METTL22: variants seen among roughly 807,000 people sequenced by gnomAD.
METTL22 encodes the protein methyltransferase-like protein 22.
METTL22 carries 51 observed loss-of-function variants against 48.4 expected under a neutral mutation model. That is an observed-to-expected ratio of 1.05 (90% CI 0.84 to 1.33). METTL22 has a LOEUF of 1.33. METTL22 is among the 40% of genes most tolerant of loss of function. METTL22 has a pLI of 0.00. For missense variants in METTL22, 678 were observed against 526.9 expected (o/e 1.29, Z -2.81); for synonymous variants, 255 against 214.1 (o/e 1.19, Z -1.67).
At chr16:8,641,058 A>G (rs561374337) in intron 6 of METTL22, 73 bp from the exon 7 acceptor site, 11 of 1,383,774 alleles carry the variant, frequency 7.9e-6, no homozygotes, top group African/African-American at 2.8e-5. Context: ...CTTCATATAT[A>G]GTGTAAAAGT....
rs373682337 is a variant in METTL22, at chr16:8,640,093, C to T, written c.772+931C>T. Among the ~76,000 whole-genome samples the T allele has an allele frequency of 1.3e-3, 203 of 152,334 alleles. 7 individuals carry two copies. In the South Asian group the frequency reaches 0.036, roughly 27 times the overall value. On this transcript the variant is annotated intron_variant, in intron 6 of 10. Transcript: ENST00000381920. ...GCATGATTGCATTTTACCATCTGCT[C>T]GTGTGACTAGTTATTGGTGTTTTCC...
At chr16:8,625,026 GA>G (rs113843522) in intron 1 of METTL22, among the ~76,000 whole-genome samples, 22,688 of 151,700 alleles carry the variant, frequency 0.15, 2,133 homozygotes, top group African/African-American at 0.26. Flanking sequence ...GTTTCTGGGG[GA>G]AAAAAAACCT....
the METTL22 span, among the ~76,000 whole-genome samples, chr16:8,660,957 G>C: frequency 1.3e-5 from 2 of 151,440 alleles, no homozygotes; most frequent in South Asian, 2.1e-4. Flanking sequence ...AGAGCTACCA[G>C]GGATCCGGAC....
In METTL22 at chr16:8,638,168, G is replaced by A. The variant is rs115038721; in HGVS notation, c.701-923G>A. Among the ~76,000 whole-genome samples, 1,293 of 152,168 alleles carry A rather than the reference G, an allele frequency of 8.5e-3. 18 individuals are homozygous for A. The highest frequency in any genetic ancestry group is 0.03 in the African/African-American group (1,238 of 41,522). ...TTTCCAAAAAACTGCTAAGCCCATC[G>A]TGTGCTGTCAGGTACATATCATCAG... On this transcript the variant is annotated intron_variant, in intron 5 of 10. Coordinates refer to ENST00000381920, the MANE Select transcript of METTL22 (RefSeq NM_024109.4).
the METTL22 span, among the ~76,000 whole-genome samples, chr16:8,662,705 C>T: frequency 6.9e-6 from 1 of 143,902 alleles, no homozygotes; most frequent in African/African-American, 2.6e-5. Flanking sequence ...CCCCTTTCCA[C>T]TGGAGGTTCC....
intron 10 of METTL22, 78 bp from the exon 11 acceptor site, chr16:8,646,030 G>C: frequency 7.2e-7 from 1 of 1,397,578 alleles, no homozygotes. Flanking sequence ...TCTCCTTGGT[G>C]AATCACTTTC....
Position 8,642,554 on chromosome 16 carries a change from G to C in METTL22, c.999G>C (p.Ser333=). 6.2e-7 allele frequency: 1 copy of C among 1,614,060 alleles called. No homozygotes were observed. Among genetic ancestry groups the C allele is most frequent in the East Asian group, 2.2e-5 (1 of 44,894 alleles). ...RLKNACTAIL[S]VEKRLNFTLR... is the part of the protein sequence containing the mutation. ...AAAATGCCTGCACAGCCATACTGTC[G>C]GTGGAGAAGAGGTGAGCTTTGCGCC... The change falls in exon 9 of 11, where the codon TCG becomes TCC. Residue 333 remains serine, a synonymous_variant. Transcript: ENST00000381920.
intron 10 of METTL22, among the ~76,000 whole-genome samples, chr16:8,645,250 C>T (rs558978397): frequency 6.6e-6 from 1 of 152,246 alleles, no homozygotes; most frequent in Admixed American, 6.5e-5. Flanking sequence ...TCTGTGGAGA[C>T]CCGGGCCTAG....
the METTL22 span, among the ~76,000 whole-genome samples, chr16:8,660,973 C>T: frequency 9.9e-5 from 15 of 152,028 alleles, 1 homozygote; most frequent in South Asian, 3.1e-3. Context: ...CGGACTCTGG[C>T]CCGACCAGTG....
downstream of METTL22, among the ~76,000 whole-genome samples, chr16:8,650,901 G>A (rs2056884630): frequency 6.6e-6 from 1 of 152,176 alleles, no homozygotes; most frequent in South Asian, 2.1e-4. Context: ...TGGCGTGCCT[G>A]TAATTCCAGC....
chr16:8,630,423 C>T (rs2056218393), intron 3 of METTL22, among the ~76,000 whole-genome samples: 1 of 152,140 alleles, frequency 6.6e-6, no homozygotes, highest in African/African-American at 2.4e-5. Flanking sequence ...CACAGCTAGT[C>T]AGTGGCAGAG....
chr16:8,647,144 C>A lies in METTL22; in HGVS notation c.*1001C>A. 5.7e-6 allele frequency: 1 copy of A among 176,172 alleles called. No individual in the cohort carries two copies. Among genetic ancestry groups the A allele is most frequent in the Admixed American group, 5.4e-5 (1 of 18,400 alleles). The allele number at this position is 176,172 out of a possible 1,614,324, so 10.9% of individuals were successfully genotyped here. ...ACTGTCCCTGCCCACACTCGCTTCT[C>A]CCCAAGCTCCCAGGTTCCATCCCTA... is the stretch of plus-strand genomic sequence containing the variant. On this transcript the variant is annotated 3_prime_UTR_variant, in exon 11 of 11. Transcript: ENST00000381920.
the METTL22 span, among the ~76,000 whole-genome samples, chr16:8,659,543 G>A: frequency 6.6e-6 from 1 of 152,098 alleles, no homozygotes; most frequent in African/African-American, 2.4e-5. Context: ...ACCTCACGAA[G>A]CCTACATTCT....
intron 5 of METTL22, among the ~76,000 whole-genome samples, chr16:8,637,410 A>C (rs2056455749): frequency 6.6e-6 from 1 of 152,006 alleles, no homozygotes; most frequent in African/African-American, 2.4e-5. Flanking sequence ...ACTATAAAGA[A>C]GTCTTATCCC....
At chr16:8,660,148 C>G in the METTL22 span, among the ~76,000 whole-genome samples, 4 of 149,292 alleles carry the variant, frequency 2.7e-5, no homozygotes, top group African/African-American at 9.8e-5. Context: ...TTATGTGTAA[C>G]ATGGCCTGTT....
At chr16:8,663,984 C>T in the METTL22 span, among the ~76,000 whole-genome samples, 1 of 152,138 alleles carries the variant, frequency 6.6e-6, no homozygotes, top group African/African-American at 2.4e-5. Context: ...ACAGTCATGA[C>T]AACCAAAACT....
chr16:8,634,016 C>T (rs1375546220), intron 3 of METTL22, among the ~76,000 whole-genome samples: 1 of 152,206 alleles, frequency 6.6e-6, no homozygotes, highest in African/African-American at 2.4e-5. Context: ...CAGGTGACTA[C>T]GTGTTAGGAC....
In METTL22 at chr16:8,648,491, G is replaced by A. The variant is rs953910084; in HGVS notation, c.*2348G>A. ...AAAAATACAAAATTAGCCGGGTGTGGTGGCTCATGCCTGTAATCCCAGCTA... is the reference window on the plus strand; with the variant it reads ...AAAAATACAAAATTAGCCGGGTGTGATGGCTCATGCCTGTAATCCCAGCTA... On this transcript the variant is annotated 3_prime_UTR_variant, in exon 11 of 11. Coordinates refer to ENST00000381920, the MANE Select transcript of METTL22 (RefSeq NM_024109.4). 1 of 152,284 alleles carries A rather than the reference G, an allele frequency of 6.6e-6. No homozygotes were observed. The highest frequency in any genetic ancestry group is 1.9e-4 in the East Asian group (1 of 5,194). 9.4% of individuals were successfully genotyped at this position (152,284 alleles called of 1,614,324 possible).
In METTL22 at chr16:8,625,569, G is replaced by T. The variant is rs1025631857; in HGVS notation, c.-97G>T. On this transcript the variant is annotated 5_prime_UTR_variant, in exon 2 of 11. Transcript: ENST00000381920. Reference sequence around the variant, plus strand: ...TGCAAAGCTACTCGCTACCAGCTTGGACCTGTCTGCAGTATCTCCTCTGGG... The same window carrying T: ...TGCAAAGCTACTCGCTACCAGCTTGTACCTGTCTGCAGTATCTCCTCTGGG... 5.5e-6 allele frequency: 7 copies of T among 1,268,206 alleles called. No homozygotes were observed. The African/African-American group carries it at 1.0e-4, about 19-fold the overall frequency. 78.6% of individuals were successfully genotyped at this position (1,268,206 alleles called of 1,614,324 possible). A position where few individuals can be genotyped will look rare whatever the true frequency, so the allele number is the denominator to read the frequency against.
Sources: allele counts gnomAD v4.1 joint callset (sites outside exome capture counted in the v4.1 genomes callset), GRCh38; gene constraint gnomAD v4.1.1; transcripts MANE v1.5; gene names NCBI Gene and HGNC (gene_info 2026-07-23, HGNC 2026-07-21).